GNAL: variants seen among roughly 807,000 people sequenced by gnomAD.
The protein encoded by GNAL is G protein subunit alpha L, also known as guanine nucleotide-binding protein G(olf) subunit alpha.
A neutral mutation model predicts 55.1 loss-of-function variants in GNAL; 18 were observed. The observed-to-expected ratio is 0.33, with a 90% CI of 0.23 to 0.48. The LOEUF (loss-of-function observed/expected upper bound fraction) is 0.48. GNAL is among the 20% of genes least tolerant of loss of function. The pLI, the probability that GNAL is intolerant of heterozygous loss-of-function variation, is 0.99. For synonymous variants in GNAL, 253 were observed against 237.0 expected, an observed-to-expected ratio of 1.07 and a Z score of -0.62; for missense variants, 412 against 614.1, an observed-to-expected ratio of 0.67 and a Z score of 3.48.
At position 11,882,704 on chromosome 18, in the gene GNAL, A is replaced by T. The variant is rs1402184566; in HGVS notation, c.*1569A>T. ...CAGGCCAAAAAAAAAAAAAAAAAAA[A>T]CCTTGACGTGTCAATGTTTGTGTCT... On this transcript the variant is annotated 3_prime_UTR_variant, in exon 12 of 12. Coordinates refer to ENST00000334049, the MANE Select transcript of GNAL (RefSeq NM_182978.4). 6.6e-6 allele frequency: 1 copy of T among 151,076 alleles called. No individual in the cohort carries two copies. The highest frequency in any genetic ancestry group is 1.5e-5 in the Non-Finnish European group (1 of 67,808). 9.4% of individuals were successfully genotyped at this position (151,076 alleles called of 1,614,324 possible).
intron 5 of GNAL, among the ~76,000 whole-genome samples, chr18:11,846,195 G>T (rs1483418296): frequency 6.6e-6 from 1 of 151,968 alleles, no homozygotes; most frequent in Non-Finnish European, 1.5e-5. Flanking sequence ...GAAGGAGGAG[G>T]AGAATCACTG....
At chr18:11,782,895 CAT>C (rs1193100575) in intron 4 of GNAL, among the ~76,000 whole-genome samples, 1 of 152,166 alleles carries the variant, frequency 6.6e-6, no homozygotes, top group Non-Finnish European at 1.5e-5. Context: ...TAAAGAGAAT[CAT>C]AAATCTTAAG....
chr18:11,876,807 C>G (rs1214280261), intron 11 of GNAL, 119 bp downstream of exon 11: 1 of 718,640 alleles, frequency 1.4e-6, no homozygotes, highest in Admixed American at 2.1e-5. Flanking sequence ...CGAGCGATGA[C>G]AAAGGGTATG....
At chr18:11,768,890 T>C (rs2033502596) in intron 4 of GNAL, among the ~76,000 whole-genome samples, 1 of 127,720 alleles carries the variant, frequency 7.8e-6, no homozygotes. Context: ...CAAGACTCTG[T>C]CTCAAAAAAA....
In GNAL at chr18:11,881,335, A is replaced by G. The variant is rs1304199172; in HGVS notation, c.*200A>G. The G allele has an allele frequency of 1.0e-5, 5 of 476,408 alleles. No individual in the cohort carries two copies. Among genetic ancestry groups the G allele is most frequent in the Admixed American group, 3.5e-5 (1 of 28,646 alleles). 29.5% of individuals were successfully genotyped at this position (476,408 alleles called of 1,614,324 possible). A position where few individuals can be genotyped will look rare whatever the true frequency, so the allele number is the denominator to read the frequency against. ...GTTGTCATTGAATACGGCCTCCCGC[A>G]GCATCCCACCCCCAAACCACCGACT... On this transcript the variant is annotated 3_prime_UTR_variant, in exon 12 of 12. Coordinates refer to ENST00000334049, the MANE Select transcript of GNAL (RefSeq NM_182978.4). The surrounding 1 kb of genome is among the most constrained non-coding windows in gnomAD (Gnocchi z 4.8).
At chr18:11,776,523 A>G (rs926613696) in intron 4 of GNAL, among the ~76,000 whole-genome samples, 6 of 152,076 alleles carry the variant, frequency 3.9e-5, no homozygotes, top group African/African-American at 1.4e-4. Flanking sequence ...CCCAGGCAAC[A>G]TAGCAAGACC....
rs2036717799 is a variant in GNAL at position 11,882,394 on chromosome 18, AAAAC to A, written c.*1263_*1266del. On this transcript the variant is annotated 3_prime_UTR_variant, in exon 12 of 12. Transcript: ENST00000334049. ...ATACAAGTAAGCAAACAGTAAGAGAAAAACAAAATGTGGCCAGGCGCGGTGGCTC... is the reference window on the plus strand; with the variant it reads ...ATACAAGTAAGCAAACAGTAAGAGAAAAAATGTGGCCAGGCGCGGTGGCTC... 6.6e-6 allele frequency: 1 copy of A among 152,284 alleles called. No individual in the cohort carries two copies. The highest frequency in any genetic ancestry group is 1.5e-5 in the Non-Finnish European group (1 of 68,086). 9.4% of individuals were successfully genotyped at this position (152,284 alleles called of 1,614,324 possible). A position where few individuals can be genotyped will look rare whatever the true frequency, so the allele number is the denominator to read the frequency against.
intron 1 of GNAL, among the ~76,000 whole-genome samples, chr18:11,694,690 A>C (rs1408710142): frequency 1.3e-5 from 2 of 152,292 alleles, no homozygotes; most frequent in East Asian, 3.9e-4. Flanking sequence ...GAATTCTCAG[A>C]TAACTCCCAT....
chr18:11,834,843 C>T (rs1344332970), intron 5 of GNAL, among the ~76,000 whole-genome samples: 3 of 152,198 alleles, frequency 2.0e-5, no homozygotes, highest in African/African-American at 4.8e-5. Flanking sequence ...TTATGGGTTA[C>T]GTTGTCCCCT....
chr18:11,863,452 A>G (rs2036192728), intron 6 of GNAL, among the ~76,000 whole-genome samples: 1 of 152,236 alleles, frequency 6.6e-6, no homozygotes, highest in African/African-American at 2.4e-5. Flanking sequence ...CATGAAGTTT[A>G]TCCTCTCTAA....
intron 1 of GNAL, among the ~76,000 whole-genome samples, chr18:11,723,790 A>G (rs1291546811): frequency 6.6e-6 from 1 of 152,054 alleles, no homozygotes; most frequent in Non-Finnish European, 1.5e-5. Flanking sequence ...CTCTTTCCTG[A>G]CACAGCCTGT....
chr18:11,736,386 C>A (rs1477120439), intron 1 of GNAL, among the ~76,000 whole-genome samples: 2 of 152,118 alleles, frequency 1.3e-5, no homozygotes, highest in African/African-American at 4.8e-5. Flanking sequence ...CAGAGCAAGA[C>A]CCTATCTCTA....
rs539435370 is a variant in GNAL at position 11,706,594 on chromosome 18, A to G, written c.376+16655A>G. 4.6e-5 allele frequency among the ~76,000 whole-genome samples: 7 copies of G among 152,336 alleles called. No individual in the cohort carries two copies. In the South Asian group the frequency reaches 1.0e-3, roughly 23 times the overall value. On this transcript the variant is annotated intron_variant, in intron 1 of 11. Coordinates refer to ENST00000334049, the MANE Select transcript of GNAL (RefSeq NM_182978.4). ...TTCTACTCATCGTAGAACTTTCAAAATTGGGGTCAGTCCTCTCAAACATGC... is the reference window on the plus strand; with the variant it reads ...TTCTACTCATCGTAGAACTTTCAAAGTTGGGGTCAGTCCTCTCAAACATGC...
At chr18:11,820,270 A>C (rs964407012) in intron 4 of GNAL, among the ~76,000 whole-genome samples, 1 of 152,142 alleles carries the variant, frequency 6.6e-6, no homozygotes, top group African/African-American at 2.4e-5. Flanking sequence ...CAAAATAATC[A>C]ATATGCCAGT....
rs756435506 is a variant in GNAL, at chr18:11,862,467, C to T, written c.777+18C>T. On this transcript the variant is annotated intron_variant, in intron 6 of 11. Coordinates refer to ENST00000334049, the MANE Select transcript of GNAL (RefSeq NM_182978.4). The stretch of plus-strand genomic sequence containing the variant: ...CAGACCAGGTATGTGGAATTAGGGT[C>T]CCCCACCACACACCAGAAACTTTGA... 1.9e-5 allele frequency: 30 copies of T among 1,546,764 alleles called. No homozygotes were observed. Among genetic ancestry groups the T allele is most frequent in the Non-Finnish European group, 2.3e-5 (26 of 1,119,084 alleles).
chr18:11,750,682 TGTGGAAGCCAGGCTGCCAGGTACTGAG>T (rs1332346082), intron 1 of GNAL, among the ~76,000 whole-genome samples: 1 of 151,740 alleles, frequency 6.6e-6, no homozygotes, highest in East Asian at 1.9e-4. Flanking sequence ...ATGGGGTGAA[TGTGGAAGCCAGGCTGCCAGGTACTGAG>T]GTGGGAGCAG....
At chr18:11,736,822 A>T (rs76407212) in intron 1 of GNAL, among the ~76,000 whole-genome samples, 3,256 of 152,316 alleles carry the variant, frequency 0.021, 65 homozygotes, top group Non-Finnish European at 0.034. Flanking sequence ...ATGGTTGATT[A>T]GTCAGTAGGA....
intron 4 of GNAL, among the ~76,000 whole-genome samples, chr18:11,785,875 C>T (rs2034042241): frequency 6.6e-6 from 1 of 152,214 alleles, no homozygotes; most frequent in Non-Finnish European, 1.5e-5. Flanking sequence ...CTTCCGCCCA[C>T]CTTCCTCCCA....
intron 1 of GNAL, among the ~76,000 whole-genome samples, chr18:11,692,460 T>C (rs2031279657): frequency 1.3e-5 from 2 of 152,182 alleles, no homozygotes; most frequent in East Asian, 3.8e-4. Flanking sequence ...ACCTCCAGAA[T>C]ATCGCAGAGC....
Sources: gnomAD v4.1 joint callset for allele counts (sites outside exome capture counted in the v4.1 genomes callset) on GRCh38, gnomAD v4.1.1 for gene constraint, Gnocchi (gnomAD v3.1) non-coding constraint, MANE v1.5 for transcripts, NCBI Gene and HGNC (gene_info 2026-07-23, HGNC 2026-07-21) for gene names.